The following COL2A1 variants were observed in gnomAD, a reference collection of about 807,000 sequenced individuals.
COL2A1 encodes the protein collagen type II alpha 1 chain, also known as collagen alpha-1(II) chain.
In COL2A1, 28 loss-of-function variants were observed where a neutral mutation model predicts 204.5. The ratio of observed to expected loss-of-function variants is 0.14; its 90% confidence interval spans 0.10 to 0.19. The LOEUF (loss-of-function observed/expected upper bound fraction) is 0.19, where lower values mean the gene tolerates loss of function less well. COL2A1 is among the 10% of genes least tolerant of loss of function. COL2A1 has a pLI of 1.00. For synonymous variants in COL2A1, 708 were observed against 718.7 expected, an observed-to-expected ratio of 0.99 and a Z score of 0.24; for missense variants, 1,388 against 2,027.5, an observed-to-expected ratio of 0.68 and a Z score of 6.06.
chr12:47,994,958 A>G lies in COL2A1; in HGVS notation c.762+297T>C, dbSNP rs577919702. The stretch of plus-strand genomic sequence containing the variant: ...TCTTTCTTTGTTTTTCCTTCTCTAC[A>G]TCTTTCTGCCTTGTATTTTTTCTCT... On this transcript the variant is annotated intron_variant, in intron 11 of 53. Transcript: ENST00000380518. Among the ~76,000 whole-genome samples the G allele has an allele frequency of 8.6e-4, 131 of 152,080 alleles. 1 individual carries two copies. Among genetic ancestry groups the G allele is most frequent in the African/African-American group, 3.0e-3 (125 of 41,474 alleles).
rs767382058 is a variant in COL2A1 at position 47,974,252 on chromosome 12, C to T, written c.4154G>A (p.Gly1385Asp). 6.2e-7 allele frequency: 1 copy of T among 1,614,098 alleles called. No homozygotes were observed. The highest frequency in any genetic ancestry group is 8.5e-7 in the Non-Finnish European group (1 of 1,180,060). Residue 1385 changes from glycine (G) to aspartate (D), a missense_variant, in exon 53 of 54, where the codon GGC (glycine) becomes GAC (aspartate). By Grantham distance (94) the Gly-to-Asp change is moderately conservative. Around this residue, in one of 3 missense-constraint regions of COL2A1, gnomAD observed 303 missense variants for 369.2 expected, o/e 0.82. Coordinates refer to ENST00000380518, the MANE Select transcript of COL2A1 (RefSeq NM_001844.5). ...MTFLRLLSTE[G>D]SQNITYHCKN... Reference sequence around the variant, plus strand: ...GCAGTGGTAGGTGATGTTCTGGGAGCCTTCCGTGGACAGCAGGCGTAGGAA... The same window carrying T: ...GCAGTGGTAGGTGATGTTCTGGGAGTCTTCCGTGGACAGCAGGCGTAGGAA...
chr12:47,982,613 G>T lies in COL2A1; in HGVS notation c.2194-4C>A. 1 of 1,605,496 alleles carries T rather than the reference G, an allele frequency of 6.2e-7. No individual in the cohort carries two copies. Among genetic ancestry groups the T allele is most frequent in the Admixed American group, 1.7e-5 (1 of 59,802 alleles). On this transcript the variant is annotated splice_polypyrimidine_tract_variant and splice_region_variant and intron_variant, in intron 33 of 53. Coordinates refer to ENST00000380518, the MANE Select transcript of COL2A1 (RefSeq NM_001844.5). ...GGCCTGCTGGGCCAGATGCACCCTGGGGAGGGAGGTAAGAGGGAGTCTGTA... is the reference window on the plus strand; with the variant it reads ...GGCCTGCTGGGCCAGATGCACCCTGTGGAGGGAGGTAAGAGGGAGTCTGTA...
intron 17 of COL2A1, 69 bp from the exon 18 acceptor site, chr12:47,989,350 C>T (rs1939591888): frequency 8.2e-7 from 1 of 1,225,998 alleles, no homozygotes; most frequent in Non-Finnish European, 1.2e-6. Context: ...GCCACCCCGA[C>T]ACCTCACACT....
Position 47,980,002 on chromosome 12 carries a change from C to T in COL2A1, c.2679+7G>A. 1 of 1,553,302 alleles carries T rather than the reference C, an allele frequency of 6.4e-7. No individual in the cohort carries two copies. Among genetic ancestry groups the T allele is most frequent in the Non-Finnish European group, 8.7e-7 (1 of 1,148,222 alleles). On this transcript the variant is annotated splice_region_variant and intron_variant, in intron 40 of 53. Transcript: ENST00000380518. The surrounding 1 kb of genome is among the most constrained non-coding windows in gnomAD (Gnocchi z 4.5). ...GTGCAGGGTGGGGTGTCAGAGGCCT[C>T]ACTCACCGGGGGGCCTTGGGCACCT...
chr12:48,004,337 CT>C lies in COL2A1; in HGVS notation c.-17del. 1 of 1,515,194 alleles carries C rather than the reference CT, an allele frequency of 6.6e-7. No individual in the cohort carries two copies. Among genetic ancestry groups the C allele is most frequent in the Non-Finnish European group, 9.0e-7 (1 of 1,116,164 alleles). 93.9% of individuals were successfully genotyped at this position (1,515,194 alleles called of 1,614,324 possible). A position where few individuals can be genotyped will look rare whatever the true frequency, so the allele number is the denominator to read the frequency against. On this transcript the variant is annotated 5_prime_UTR_variant, in exon 1 of 54. Coordinates refer to ENST00000380518, the MANE Select transcript of COL2A1 (RefSeq NM_001844.5). ...GGCGAATCATGGCTCACCGCGGGGC[CT>C]GGCTGAGCCGGGCCCGGGCGGAGCG...
At position 47,980,091 on chromosome 12, in the gene COL2A1, C is replaced by T; in HGVS notation, c.2626-29G>A. 1 of 1,542,354 alleles carries T rather than the reference C, an allele frequency of 6.5e-7. No individual in the cohort carries two copies. Among genetic ancestry groups the T allele is most frequent in the Non-Finnish European group, 8.8e-7 (1 of 1,138,972 alleles). On this transcript the variant is annotated intron_variant, in intron 39 of 53. Transcript: ENST00000380518. The surrounding 1 kb of genome is among the most constrained non-coding windows in gnomAD (Gnocchi z 4.5). ...GAAAGGAAAGAGGGAGACAGTGAGG[C>T]CCAGTGGCCCAAGGAAGACGGTGGG... is the stretch of plus-strand genomic sequence containing the variant.
At chr12:47,984,878 GC>G in intron 27 of COL2A1, 116 bp downstream of exon 27, 1 of 897,580 alleles carries the variant, frequency 1.1e-6, no homozygotes. Context: ...TGGCACAGGA[GC>G]CCCACTCATC....
At position 47,983,140 on chromosome 12, in the gene COL2A1, G is replaced by A; in HGVS notation, c.2050-3C>T. 2 of 1,613,464 alleles carry A rather than the reference G, an allele frequency of 1.2e-6. No homozygotes were observed. Among genetic ancestry groups the A allele is most frequent in the Non-Finnish European group, 1.7e-6 (2 of 1,179,740 alleles). The stretch of plus-strand genomic sequence containing the variant: ...GCTCCAGCTTCACCGGGAACACCCT[G>A]GAGAACAAAGAAAGATGTGTGAGAG... On this transcript the variant is annotated splice_polypyrimidine_tract_variant and splice_region_variant and intron_variant, in intron 31 of 53. Transcript: ENST00000380518.
Position 47,984,100 on chromosome 12 carries a change from G to T in COL2A1, c.1928C>A (p.Pro643His), listed in dbSNP as rs1273339342. 3 of 1,613,164 alleles carry T rather than the reference G, an allele frequency of 1.9e-6. No individual in the cohort carries two copies. The highest frequency in any genetic ancestry group is 2.5e-6 in the Non-Finnish European group (3 of 1,179,752). ...GCAGGTACTTACAGCAGGGCCAGGG[G>T]GTCCTGCAGCACCTGTCTCACCATC... The part of the protein sequence containing the change: ...GKDGETGAAG[P>H]PGPAGPAGER... Residue 643 changes from proline (P) to histidine (H), a missense_variant, in exon 29 of 54, where the codon CCC becomes CAC. Physicochemically the swap from Pro to His is moderately conservative, Grantham distance 77 (BLOSUM62 -2). This residue lies in a region of COL2A1 where 884 missense variants were observed against 1,415.8 expected (regional missense o/e 0.62). Coordinates refer to ENST00000380518, the MANE Select transcript of COL2A1 (RefSeq NM_001844.5).
chr12:48,004,405 C>G lies in COL2A1; in HGVS notation c.-84G>C, dbSNP rs1361310625. On this transcript the variant is annotated 5_prime_UTR_variant, in exon 1 of 54. Transcript: ENST00000380518. ...GCACGGCGCGGGTCCGGGTCTCTAC[C>G]GCGCCCTCATGCAGGAGGCCCTTGG... 10 of 785,734 alleles carry G rather than the reference C, an allele frequency of 1.3e-5. No homozygotes were observed. The highest frequency in any genetic ancestry group is 1.9e-5 in the Non-Finnish European group (9 of 474,386). 48.7% of individuals were successfully genotyped at this position (785,734 alleles called of 1,614,324 possible).
intron 18 of COL2A1, among the ~76,000 whole-genome samples, chr12:47,988,733 T>A (rs1295174368): frequency 6.6e-6 from 1 of 152,248 alleles, no homozygotes; most frequent in Admixed American, 6.5e-5. Flanking sequence ...TGGCCTCTAG[T>A]AATCCTCCAG....
Position 47,977,869 on chromosome 12 carries a change from C to T in COL2A1, c.3111+141G>A, listed in dbSNP as rs1938810812. 6.4e-6 allele frequency: 6 copies of T among 937,930 alleles called. No homozygotes were observed. In the South Asian group the frequency reaches 8.7e-5, roughly 14 times the overall value. The allele number at this position is 937,930 out of a possible 1,614,324, so 58.1% of individuals were successfully genotyped here. A position where few individuals can be genotyped will look rare whatever the true frequency, so the allele number is the denominator to read the frequency against. Reference sequence around the variant, plus strand: ...CTCCCCGACAACCTTCCCATTGTACCTAGGCTTTCAGGCCTGTCGGCCGAC... The same window carrying T: ...CTCCCCGACAACCTTCCCATTGTACTTAGGCTTTCAGGCCTGTCGGCCGAC... On this transcript the variant is annotated intron_variant, in intron 44 of 53. Transcript: ENST00000380518.
chr12:47,981,219 G>A (rs1939061631), intron 37 of COL2A1, 124 bp downstream of exon 37: 1 of 1,099,610 alleles, frequency 9.1e-7, no homozygotes, highest in South Asian at 1.3e-5. Context: ...CAGCGGGTAG[G>A]GAGGGAGCCA....
chr12:47,993,955 G>C (rs1391772003), intron 13 of COL2A1, 39 bp downstream of exon 13: 3 of 1,613,222 alleles, frequency 1.9e-6, no homozygotes, highest in Admixed American at 1.7e-5. Context: ...CTCCCACCAG[G>C]CATCTCTTCC....
intron 41 of COL2A1, among the ~76,000 whole-genome samples, chr12:47,979,309 C>A (rs1435525677): frequency 6.6e-6 from 1 of 152,224 alleles, no homozygotes; most frequent in African/African-American, 2.4e-5. Context: ...AGGGCAGCCA[C>A]CCATTGCTGA....
chr12:47,991,797 T>G (rs530541202), intron 16 of COL2A1, among the ~76,000 whole-genome samples: 2 of 152,302 alleles, frequency 1.3e-5, no homozygotes, highest in East Asian at 3.9e-4. Flanking sequence ...GCCAGCATCC[T>G]GCTAATCTGT....
At chr12:47,988,950 A>G (rs1228468786) in intron 18 of COL2A1, among the ~76,000 whole-genome samples, 3 of 152,160 alleles carry the variant, frequency 2.0e-5, no homozygotes, top group Admixed American at 1.3e-4. Context: ...TGCCAGGCCT[A>G]TGGTGTATCC....
intron 47 of COL2A1, 89 bp downstream of exon 47, chr12:47,977,013 G>A (rs1938745380): frequency 1.3e-6 from 2 of 1,542,712 alleles, no homozygotes; most frequent in Non-Finnish European, 1.8e-6. Flanking sequence ...CGGAAACACA[G>A]GGCTGGAGGC....
At chr12:48,003,342 C>T (rs184166393) in intron 1 of COL2A1, among the ~76,000 whole-genome samples, 1 of 152,230 alleles carries the variant, frequency 6.6e-6, no homozygotes, top group African/African-American at 2.4e-5. Flanking sequence ...CACACACACA[C>T]ACCACGCAGC....
Sources: allele counts gnomAD v4.1 joint callset (sites outside exome capture counted in the v4.1 genomes callset), GRCh38; gene constraint gnomAD v4.1.1; regional missense constraint gnomAD v4.1.1; non-coding constraint Gnocchi (gnomAD v3.1); transcripts MANE v1.5; gene names NCBI Gene and HGNC (gene_info 2026-07-23, HGNC 2026-07-21).